Variants in RAD54L observed in about 807,000 individuals in gnomAD.
RAD54L encodes the protein DNA repair and recombination protein RAD54-like.
Under a neutral mutation model 91.6 loss-of-function variants are expected in RAD54L, and 74 were observed. That is an observed-to-expected ratio of 0.81 (90% confidence interval 0.67 to 0.98). The LOEUF (loss-of-function observed/expected upper bound fraction) is 0.98, where lower values mean the gene tolerates loss of function less well. Among genes scored for constraint, RAD54L ranks in the 50% least tolerant of loss-of-function variants. RAD54L has a pLI of 0.00. For missense variants in RAD54L, 887 were observed against 945.7 expected (o/e 0.94, Z 0.81); for synonymous variants, 304 against 349.7 (o/e 0.87, Z 1.46).
Position 46,260,069 on chromosome 1 carries a change from T to G in RAD54L, c.377T>G (p.Leu126Arg). 1 of 1,614,254 alleles carries G rather than the reference T, an allele frequency of 6.2e-7. No homozygotes were observed. The highest frequency in any genetic ancestry group is 1.1e-5 in the South Asian group (1 of 91,084). The change falls in exon 5 of 18, where the codon CTG (leucine) becomes CGG (arginine). Residue 126 changes from leucine to arginine, a missense_variant. By Grantham distance (102) the Leu-to-Arg change is moderately radical. Coordinates refer to ENST00000371975, the MANE Select transcript of RAD54L (RefSeq NM_003579.4). ...TTGGTTCTGTATGAGCCTCCCCCGC[T>G]GAGCGCTCATGACCAGCTGAAGCTT... ...DALVLYEPPPLSAHDQLKLDK... is the reference protein window; with the variant it reads ...DALVLYEPPPRSAHDQLKLDK...
intron 3 of RAD54L, among the ~76,000 whole-genome samples, chr1:46,255,720 C>T (rs1179570782): frequency 2.6e-5 from 4 of 151,998 alleles, no homozygotes; most frequent in East Asian, 3.9e-4. Context: ...AGGCAGATCT[C>T]GAACACCTGA....
rs1001986550 is a variant in RAD54L at position 46,278,120 on chromosome 1, T to C, written c.2082T>C (p.Pro694=). The part of the protein sequence containing the change: ...CVNSRQIRPP[P]DGSDCTSDLA... The stretch of plus-strand genomic sequence containing the variant: ...ACAGCCGTCAGATCCGGCCACCCCC[T>C]GATGGTTCTGACTGCACTTCAGACC... The change falls in exon 18 of 18, where the codon CCT becomes CCC. Residue 694 remains proline (P), a synonymous_variant. Coordinates refer to ENST00000371975, the MANE Select transcript of RAD54L (RefSeq NM_003579.4). The C allele has an allele frequency of 6.2e-7, 1 of 1,613,798 alleles. No individual in the cohort carries two copies. Among genetic ancestry groups the C allele is most frequent in the Non-Finnish European group, 8.5e-7 (1 of 1,179,884 alleles).
At chr1:46,254,077 C>T (rs1008286007) in intron 3 of RAD54L, among the ~76,000 whole-genome samples, 64 of 151,858 alleles carry the variant, frequency 4.2e-4, no homozygotes, top group African/African-American at 1.3e-3. Flanking sequence ...CAGGTTCAGG[C>T]GATTCTCCTG....
At chr1:46,262,355 C>G (rs1427080274) in intron 8 of RAD54L, among the ~76,000 whole-genome samples, 1 of 151,878 alleles carries the variant, frequency 6.6e-6, no homozygotes, top group Non-Finnish European at 1.5e-5. Flanking sequence ...TGCAATGAGC[C>G]TAGATAATGC....
intron 3 of RAD54L, among the ~76,000 whole-genome samples, 196 bp from the exon 4 acceptor site, chr1:46,258,490 G>T (rs961761503): frequency 8.5e-5 from 13 of 152,172 alleles, no homozygotes; most frequent in Non-Finnish European, 1.8e-4. Flanking sequence ...TTTTTAATGA[G>T]TGAATGGTTT....
rs531349598 is a variant in RAD54L, at chr1:46,278,424, A to G, written c.*142A>G. On this transcript the variant is annotated 3_prime_UTR_variant, in exon 18 of 18. Transcript: ENST00000371975. The stretch of plus-strand genomic sequence containing the variant: ...ATGATGTTTGCCCAAAATTTATTTT[A>G]TAAGAAAAACTTTTTTGGTTAAAAA... The G allele has an allele frequency of 4.9e-6, 5 of 1,026,982 alleles. No homozygotes were observed. Among genetic ancestry groups the G allele is most frequent in the Non-Finnish European group, 7.2e-6 (5 of 692,090 alleles). The allele number at this position is 1,026,982 out of a possible 1,614,324, so 63.6% of individuals were successfully genotyped here.
intron 9 of RAD54L, chr1:46,267,810 GT>G: frequency 1.4e-6 from 1 of 701,668 alleles, no homozygotes; most frequent in Non-Finnish European, 2.4e-6. Flanking sequence ...CAAAGCCCAT[GT>G]TGGCCATTTT....
At chr1:46,251,822 A>G (rs1393571393) in intron 3 of RAD54L, among the ~76,000 whole-genome samples, 1 of 152,198 alleles carries the variant, frequency 6.6e-6, no homozygotes, top group African/African-American at 2.4e-5. Flanking sequence ...ACATGGGAGG[A>G]TCACTTGAGC....
chr1:46,256,255 C>T (rs1312778489), intron 3 of RAD54L, among the ~76,000 whole-genome samples: 2 of 151,794 alleles, frequency 1.3e-5, no homozygotes, highest in South Asian at 2.1e-4. Context: ...ATTTTGTGTA[C>T]GGGGTGTGTG....
intron 3 of RAD54L, among the ~76,000 whole-genome samples, chr1:46,257,719 T>C (rs1659982026): frequency 6.6e-6 from 1 of 152,218 alleles, no homozygotes. Flanking sequence ...CTCATGTTCC[T>C]TCTCTTGTGC....
chr1:46,267,811 T>C lies in RAD54L; in HGVS notation c.1042+202T>C, dbSNP rs540084016. The C allele has an allele frequency of 5.0e-4, 343 of 692,338 alleles. 1 individual carries two copies. The highest frequency in any genetic ancestry group is 7.5e-4 in the Non-Finnish European group (304 of 405,676). The allele number at this position is 692,338 out of a possible 1,614,324, so 42.9% of individuals were successfully genotyped here. On this transcript the variant is annotated intron_variant, in intron 9 of 17. Coordinates refer to ENST00000371975, the MANE Select transcript of RAD54L (RefSeq NM_003579.4). ...GCTGAGCAACTCAGCAAAGCCCATG[T>C]TGGCCATTTTTCCATTGCAGAGGTG...
intron 10 of RAD54L, among the ~76,000 whole-genome samples, chr1:46,271,583 G>A (rs1438153737): frequency 1.3e-5 from 2 of 152,022 alleles, no homozygotes; most frequent in Non-Finnish European, 2.9e-5. Flanking sequence ...GCTTGAACTC[G>A]AGAGGCAGAG....
In RAD54L at chr1:46,278,288, A is replaced by T; in HGVS notation, c.*6A>T. ...AGCAGCGGGGCCTCCGCTGATAACCAGCTGGTCTGGGTGTAGCTCTTAGAG... is the reference window on the plus strand; with the variant it reads ...AGCAGCGGGGCCTCCGCTGATAACCTGCTGGTCTGGGTGTAGCTCTTAGAG... On this transcript the variant is annotated 3_prime_UTR_variant, in exon 18 of 18. Transcript: ENST00000371975. 1 of 1,609,196 alleles carries T rather than the reference A, an allele frequency of 6.2e-7. No homozygotes were observed. Among genetic ancestry groups the T allele is most frequent in the Non-Finnish European group, 8.5e-7 (1 of 1,178,084 alleles).
In RAD54L at chr1:46,259,971, G is replaced by A. The variant is rs894556433; in HGVS notation, c.279G>A (p.Leu93=). 1 of 1,613,958 alleles carries A rather than the reference G, an allele frequency of 6.2e-7. No individual in the cohort carries two copies. Among genetic ancestry groups the A allele is most frequent in the African/African-American group, 1.3e-5 (1 of 74,870 alleles). ...KVPIPNYQGP[L]GSRALGLKRA... is the part of the protein sequence containing the mutation. Reference sequence around the variant, plus strand: ...ATGATTATTGGTTTGTAGGTCCTCTGGGCTCTCGAGCATTGGGCCTGAAAA... The same window carrying A: ...ATGATTATTGGTTTGTAGGTCCTCTAGGCTCTCGAGCATTGGGCCTGAAAA... The change falls in exon 5 of 18, where the codon CTG becomes CTA. Residue 93 remains leucine, a synonymous_variant. Coordinates refer to ENST00000371975, the MANE Select transcript of RAD54L (RefSeq NM_003579.4).
intron 14 of RAD54L, 126 bp downstream of exon 14, chr1:46,273,873 C>T: frequency 1.5e-6 from 2 of 1,365,768 alleles, no homozygotes; most frequent in Non-Finnish European, 2.0e-6. Flanking sequence ...GATATCTTCC[C>T]TTATTGCTAT....
At chr1:46,273,493 C>T (rs768836075) in intron 13 of RAD54L, 28 bp downstream of exon 13, 1 of 1,610,198 alleles carries the variant, frequency 6.2e-7, no homozygotes, top group East Asian at 2.2e-5. Flanking sequence ...AGTATTTGGG[C>T]TTCTCTAGGA....
rs562001752 is a variant in RAD54L at position 46,270,516 on chromosome 1, G to T, written c.1043-143G>T. ...CACTGCTTTGATACCTCTCTGATCTGTTAAACAGAAATTGGCCTATATTTT... is the reference window on the plus strand; with the variant it reads ...CACTGCTTTGATACCTCTCTGATCTTTTAAACAGAAATTGGCCTATATTTT... On this transcript the variant is annotated intron_variant, in intron 9 of 17. Transcript: ENST00000371975. 152 of 1,107,478 alleles carry T rather than the reference G, an allele frequency of 1.4e-4. 2 individuals are homozygous for T. The South Asian group carries it at 1.8e-3, about 13-fold the overall frequency. 68.6% of individuals were successfully genotyped at this position (1,107,478 alleles called of 1,614,324 possible).
chr1:46,267,350 C>T, intron 8 of RAD54L, 109 bp from the exon 9 acceptor site: 2 of 1,472,804 alleles, frequency 1.4e-6, no homozygotes, highest in South Asian at 1.1e-5. Context: ...AGGCATGAGC[C>T]ACGGCGCCCG....
Position 46,258,206 on chromosome 1 carries a change from C to T in RAD54L, c.211-480C>T, listed in dbSNP as rs141232385. 2.2e-3 allele frequency among the ~76,000 whole-genome samples: 334 copies of T among 151,612 alleles called. 3 individuals are homozygous for T. Among genetic ancestry groups the T allele is most frequent in the African/African-American group, 7.6e-3 (314 of 41,292 alleles). On this transcript the variant is annotated intron_variant, in intron 3 of 17. Transcript: ENST00000371975. ...TGTTGTTAATATTATTTTATTAATA[C>T]GATGGCTCCCATTTCTCCATCACTA...
Sources: allele counts gnomAD v4.1 joint callset (sites outside exome capture counted in the v4.1 genomes callset), GRCh38; gene constraint gnomAD v4.1.1; transcripts MANE v1.5; gene names NCBI Gene and HGNC (gene_info 2026-07-23, HGNC 2026-07-21).